Variants in ELK4 observed in about 807,000 individuals in gnomAD.
The protein encoded by ELK4 is ETS domain-containing protein Elk-4.
In ELK4, 16 loss-of-function variants were observed where a neutral mutation model predicts 29.6. The observed-to-expected ratio is 0.54, with a 90% confidence interval of 0.37 to 0.82. The LOEUF (loss-of-function observed/expected upper bound fraction) is 0.82. Ranked by LOEUF, ELK4 falls within the 40% of genes least tolerant of loss-of-function variation. The probability of loss-of-function intolerance (pLI) is 0.00; values close to 1 mark genes in which losing one functional copy is unlikely to be tolerated. For synonymous variants in ELK4, 213 were observed against 191.1 expected (o/e 1.11, Z -0.95); for missense variants, 465 against 507.1 (o/e 0.92, Z 0.80).
In ELK4 at chr1:205,620,248, T is replaced by A. The variant is rs749625602; in HGVS notation, c.798A>T (p.Arg266Ser). ...GAGAACTCAGTGGTGGTGAAGGTGT[T>A]CTGGGAGGTTCCTGCAAAGGGGGTA... is the stretch of plus-strand genomic sequence containing the variant. ...SSIPPLQEPP[R>S]TPSPPLSSHP... Residue 266 changes from arginine (R) to serine (S), a missense_variant, in exon 3 of 5, where the codon AGA becomes AGT. Transcript: ENST00000357992. 1 of 1,614,178 alleles carries A rather than the reference T, an allele frequency of 6.2e-7. No homozygotes were observed. Among genetic ancestry groups the A allele is most frequent in the South Asian group, 1.1e-5 (1 of 91,080 alleles).
chr1:205,623,917 GATA>G (rs748486401), intron 1 of ELK4, 26 bp from the exon 2 acceptor site: 3 of 1,603,756 alleles, frequency 1.9e-6, no homozygotes, highest in African/African-American at 2.7e-5. Context: ...TAAGATATGT[GATA>G]ATATTAACAG....
At chr1:205,619,437 C>CCTCT in intron 3 of ELK4, 3 of 1,060,916 alleles carry the variant, frequency 2.8e-6, no homozygotes, top group Non-Finnish European at 3.4e-6. Flanking sequence ...AATTCAGGTA[C>CCTCT]AGAGGAATAA....
intron 1 of ELK4, chr1:205,626,119 T>C: frequency 1.3e-6 from 1 of 794,594 alleles, no homozygotes; most frequent in Non-Finnish European, 2.3e-6. Context: ...TTTCTCTACG[T>C]TGCCTACAGT....
In ELK4 at chr1:205,631,854, C is replaced by G. The variant is rs1176451658; in HGVS notation, c.-232G>C. 1 of 148,136 alleles carries G rather than the reference C, an allele frequency of 6.8e-6. No individual in the cohort carries two copies. Among genetic ancestry groups the G allele is most frequent in the African/African-American group, 2.4e-5 (1 of 40,922 alleles). 9.2% of individuals were successfully genotyped at this position (148,136 alleles called of 1,614,324 possible). On this transcript the variant is annotated 5_prime_UTR_variant, in exon 1 of 5. Transcript: ENST00000357992. ...GGCTCCTGGCGCCCCGCCCTCCCCG[C>G]CCCCGCACGCGGCAGCGGCGGCGCG...
At chr1:205,621,480 A>C (rs1395142034) in intron 2 of ELK4, among the ~76,000 whole-genome samples, 1 of 152,200 alleles carries the variant, frequency 6.6e-6, no homozygotes, top group Non-Finnish European at 1.5e-5. Context: ...ACAATTCCAA[A>C]GGTATAAGCC....
chr1:205,621,484 A>G (rs1477736486), intron 2 of ELK4, among the ~76,000 whole-genome samples: 1 of 152,200 alleles, frequency 6.6e-6, no homozygotes, highest in Non-Finnish European at 1.5e-5. Context: ...TTCCAAAGGT[A>G]TAAGCCATAC....
chr1:205,628,532 G>T (rs546248219), intron 1 of ELK4, among the ~76,000 whole-genome samples: 86 of 152,166 alleles, frequency 5.7e-4, no homozygotes, highest in African/African-American at 2.0e-3. Flanking sequence ...ATTTGTTTTT[G>T]AAAAAATTCC....
At position 205,620,349 on chromosome 1, in the gene ELK4, G is replaced by A; in HGVS notation, c.697C>T (p.Leu233=). Residue 233 remains leucine, a synonymous_variant, in exon 3 of 5, where the codon CTG becomes TTG. Transcript: ENST00000357992. ...GAGGTTGGGGCTTCCAGGGAAGGCA[G>A]TTTTGGGGAAACCAATGTCTCCAAA... The part of the protein sequence containing the change: ...QALETLVSPK[L]PSLEAPTSAS... The A allele has an allele frequency of 6.2e-7, 1 of 1,614,200 alleles. No individual in the cohort carries two copies. Among genetic ancestry groups the A allele is most frequent in the Non-Finnish European group, 8.5e-7 (1 of 1,180,028 alleles).
intron 1 of ELK4, among the ~76,000 whole-genome samples, chr1:205,629,035 G>A (rs577196579): frequency 1.8e-4 from 28 of 152,102 alleles, no homozygotes; most frequent in African/African-American, 6.3e-4. Flanking sequence ...TTAGCCAGGC[G>A]TGGTGGCGGG....
At chr1:205,629,933 T>G (rs1215894987) in intron 1 of ELK4, among the ~76,000 whole-genome samples, 1 of 151,186 alleles carries the variant, frequency 6.6e-6, no homozygotes, top group Non-Finnish European at 1.5e-5. Flanking sequence ...GCGTGACTAC[T>G]CGGGAGGCTG....
intron 1 of ELK4, among the ~76,000 whole-genome samples, chr1:205,625,272 T>G (rs915376145): frequency 2.2e-5 from 3 of 139,188 alleles, no homozygotes; most frequent in African/African-American, 8.2e-5. Context: ...GCATCCAAAA[T>G]ATATTAAAAA....
At position 205,631,681 on chromosome 1, in the gene ELK4, G is replaced by T; in HGVS notation, c.-59C>A. The T allele has an allele frequency of 2.9e-6, 1 of 344,924 alleles. No individual in the cohort carries two copies. The highest frequency in any genetic ancestry group is 6.0e-6 in the Non-Finnish European group (1 of 167,626). 21.4% of individuals were successfully genotyped at this position (344,924 alleles called of 1,614,324 possible). ...TCGGTCTCCGCCTCGAACACGATGC[G>T]CCTCTCCGCCCTCAGCCTCCTCCTC... is the stretch of plus-strand genomic sequence containing the variant. On this transcript the variant is annotated 5_prime_UTR_variant, in exon 1 of 5. Transcript: ENST00000357992.
chr1:205,623,669 G>C lies in ELK4; in HGVS notation c.207+7C>G. ...TCTGTATAGTATAAGATCAGGATGTGTACTACCTTTACATAATAGTATCTG... is the reference window on the plus strand; with the variant it reads ...TCTGTATAGTATAAGATCAGGATGTCTACTACCTTTACATAATAGTATCTG... On this transcript the variant is annotated splice_region_variant and intron_variant, in intron 2 of 4. Transcript: ENST00000357992. The C allele has an allele frequency of 6.2e-7, 1 of 1,613,600 alleles. No homozygotes were observed. The highest frequency in any genetic ancestry group is 8.5e-7 in the Non-Finnish European group (1 of 1,179,730).
rs558818834 is a variant in ELK4 at position 205,612,708 on chromosome 1, A to C, written c.*3838T>G. On this transcript the variant is annotated 3_prime_UTR_variant, in exon 5 of 5. Coordinates refer to ENST00000357992, the MANE Select transcript of ELK4 (RefSeq NM_001973.4). ...GTAGAAAGTCAGATCAGGATGAAACAATGTTGTCAGACTGGACGTCACACA... is the reference window on the plus strand; with the variant it reads ...GTAGAAAGTCAGATCAGGATGAAACCATGTTGTCAGACTGGACGTCACACA... The C allele has an allele frequency of 4.8e-6, 1 of 210,158 alleles. No homozygotes were observed. The highest frequency in any genetic ancestry group is 2.3e-5 in the African/African-American group (1 of 44,210). 13.0% of individuals were successfully genotyped at this position (210,158 alleles called of 1,614,324 possible). A position where few individuals can be genotyped will look rare whatever the true frequency, so the allele number is the denominator to read the frequency against.
intron 1 of ELK4, 124 bp from the exon 2 acceptor site, chr1:205,624,015 A>G (rs538577417): frequency 1.2e-6 from 1 of 826,432 alleles, no homozygotes; most frequent in East Asian, 2.6e-5. Flanking sequence ...TATAAGGTAG[A>G]TACTACTGCA....
At chr1:205,621,245 A>G (rs1355984223) in intron 2 of ELK4, among the ~76,000 whole-genome samples, 1 of 150,900 alleles carries the variant, frequency 6.6e-6, no homozygotes, top group Non-Finnish European at 1.5e-5. Context: ...GAGGTTCTCC[A>G]TTTTAGAAGT....
At chr1:205,626,223 C>T (rs1358916556) in intron 1 of ELK4, 1 of 545,302 alleles carries the variant, frequency 1.8e-6, no homozygotes, top group African/African-American at 1.9e-5. Flanking sequence ...TTGACCTCCT[C>T]CTCCAAGCTC....
In ELK4 at chr1:205,613,890, C is replaced by G; in HGVS notation, c.*2656G>C. ...CTACAGCTACCAATTACAAGTCTCTCCAGTGAAAACTGATCTGAAGTGGTA... is the reference window on the plus strand; with the variant it reads ...CTACAGCTACCAATTACAAGTCTCTGCAGTGAAAACTGATCTGAAGTGGTA... On this transcript the variant is annotated 3_prime_UTR_variant, in exon 5 of 5. Coordinates refer to ENST00000357992, the MANE Select transcript of ELK4 (RefSeq NM_001973.4). 1 of 217,698 alleles carries G rather than the reference C, an allele frequency of 4.6e-6. No individual in the cohort carries two copies. The highest frequency in any genetic ancestry group is 9.3e-6 in the Non-Finnish European group (1 of 108,098). 13.5% of individuals were successfully genotyped at this position (217,698 alleles called of 1,614,324 possible). A position where few individuals can be genotyped will look rare whatever the true frequency, so the allele number is the denominator to read the frequency against.
rs1670308089 is a variant in ELK4, at chr1:205,620,230, CAGT to C, written c.813_815del (p.Leu272del). On this transcript the variant is annotated inframe_deletion, in exon 3 of 5. Transcript: ENST00000357992. ...CTGTGTCGATGTCTGGGTGAGAACT[CAGT>C]GGTGGTGAAGGTGTTCTGGGAGGTT... 7 of 1,614,140 alleles carry C rather than the reference CAGT, an allele frequency of 4.3e-6. No individual in the cohort carries two copies. The highest frequency in any genetic ancestry group is 5.9e-6 in the Non-Finnish European group (7 of 1,180,036).
Sources: allele counts gnomAD v4.1 joint callset (sites outside exome capture counted in the v4.1 genomes callset), GRCh38; gene constraint gnomAD v4.1.1; transcripts MANE v1.5; gene names NCBI Gene and HGNC (gene_info 2026-07-23, HGNC 2026-07-21).